LIMCH1: variants seen among roughly 807,000 people sequenced by gnomAD.
LIMCH1 encodes LIM and calponin homology domains-containing protein 1.
Under a neutral mutation model 176.5 loss-of-function variants are expected in LIMCH1, and 113 were observed. That is an observed-to-expected ratio of 0.64 (90% CI 0.55 to 0.75). The LOEUF (loss-of-function observed/expected upper bound fraction) is 0.75. LIMCH1 is among the 30% of genes least tolerant of loss of function. The probability of loss-of-function intolerance (pLI) is 0.00; values close to 1 mark genes in which losing one functional copy is unlikely to be tolerated. For synonymous variants in LIMCH1, 619 were observed against 645.9 expected, an observed-to-expected ratio of 0.96 and a Z score of 0.63; for missense variants, 1,674 against 1,814.9, an observed-to-expected ratio of 0.92 and a Z score of 1.41.
At chr4:41,419,650 C>CTCCTTCCT (rs1189243700) in intron 1 of LIMCH1, among the ~76,000 whole-genome samples, 52 of 56,336 alleles carry the variant, frequency 9.2e-4, no homozygotes, top group Admixed American at 1.8e-3. Flanking sequence ...TCCTTTCTTC[C>CTCCTTCCT]TCCTTCCTTC....
At position 41,638,963 on chromosome 4, in the gene LIMCH1, G is replaced by A. The variant is rs763838071; in HGVS notation, c.2122G>A (p.Ala708Thr). The change falls in exon 14 of 32, where the codon GCA (alanine) becomes ACA (threonine). Residue 708 changes from alanine to threonine, a missense_variant. Coordinates refer to ENST00000503057, the MANE Select transcript of LIMCH1 (RefSeq NM_001330672.2). ...YGPRTPVSDD[A>T]ESTSMFDMRC... ...TCCGAGAACTCCTGTGTCTGATGAC[G>A]CAGAGTAAGTTGCCTTGTATTTGTA... 81 of 1,585,842 alleles carry A rather than the reference G, an allele frequency of 5.1e-5. No homozygotes were observed. Among genetic ancestry groups the A allele is most frequent in the Middle Eastern group, 1.7e-4 (1 of 5,944 alleles).
intron 1 of LIMCH1, among the ~76,000 whole-genome samples, chr4:41,474,468 C>G (rs544068536): frequency 1.3e-4 from 20 of 152,300 alleles, no homozygotes; most frequent in Middle Eastern, 3.4e-3. Context: ...GCCTGGGCGA[C>G]AGAGTGAGAC....
chr4:41,541,866 G>A (rs770282871), intron 1 of LIMCH1, among the ~76,000 whole-genome samples: 2 of 152,182 alleles, frequency 1.3e-5, no homozygotes, highest in African/African-American at 2.4e-5. Flanking sequence ...AATGACTTTG[G>A]TAAACAGCCC....
intron 31 of LIMCH1, 77 bp downstream of exon 31, chr4:41,692,461 A>G (rs1586086623): frequency 1.1e-6 from 1 of 920,580 alleles, no homozygotes; most frequent in Non-Finnish European, 1.8e-6. Flanking sequence ...TAGGAATTCA[A>G]ATATTTTTCC....
intron 1 of LIMCH1, among the ~76,000 whole-genome samples, chr4:41,540,141 G>A (rs528326887): frequency 2.6e-5 from 4 of 152,206 alleles, no homozygotes; most frequent in South Asian, 4.2e-4. Context: ...TTGTTTCCTC[G>A]TCTGTAAAAA....
At chr4:41,595,509 C>T (rs778992601) in intron 1 of LIMCH1, among the ~76,000 whole-genome samples, 5 of 152,156 alleles carry the variant, frequency 3.3e-5, no homozygotes, top group Non-Finnish European at 7.3e-5. Context: ...TCAACTACTC[C>T]TCTAGAAAAT....
intron 2 of LIMCH1, among the ~76,000 whole-genome samples, chr4:41,511,302 C>T (rs1319396734): frequency 6.6e-6 from 1 of 152,174 alleles, no homozygotes; most frequent in East Asian, 1.9e-4. Flanking sequence ...TATTCCCTGT[C>T]CATTTCCATC....
chr4:41,604,670 G>A (rs573808720), intron 3 of LIMCH1, among the ~76,000 whole-genome samples: 9 of 152,036 alleles, frequency 5.9e-5, no homozygotes, highest in East Asian at 3.9e-4. Context: ...CCATTCCCCC[G>A]TTATACCTTT....
At chr4:41,516,641 T>C (rs1434314463) in intron 2 of LIMCH1, among the ~76,000 whole-genome samples, 1 of 152,240 alleles carries the variant, frequency 6.6e-6, no homozygotes, top group African/African-American at 2.4e-5. Flanking sequence ...CAAAGCACTC[T>C]GAACATATTC....
intron 1 of LIMCH1, among the ~76,000 whole-genome samples, chr4:41,451,892 CT>C (rs1370364054): frequency 6.6e-6 from 1 of 152,134 alleles, no homozygotes; most frequent in African/African-American, 2.4e-5. Context: ...ATCTTCTTAC[CT>C]TTTTTCCAGA....
At chr4:41,394,810 GCAGGAAGTGGCATTTA>G (rs1172186389) in intron 1 of LIMCH1, among the ~76,000 whole-genome samples, 1 of 152,208 alleles carries the variant, frequency 6.6e-6, no homozygotes, top group African/African-American at 2.4e-5. Context: ...AGGCCTTGCA[GCAGGAAGTGGCATTTA>G]CAAATGGTGC....
chr4:41,563,658 A>G (rs2082346178), intron 1 of LIMCH1, among the ~76,000 whole-genome samples: 1 of 152,200 alleles, frequency 6.6e-6, no homozygotes, highest in Non-Finnish European at 1.5e-5. Context: ...TTTGGAGAAC[A>G]GCACCTCCCT....
Position 41,685,839 on chromosome 4 carries a change from C to A in LIMCH1, c.4088+9C>A. ...CCCAGTGAAAGGCGGAAGTGAGTAA[C>A]CAGACACGATGGTTGTGGGATTCCC... On this transcript the variant is annotated intron_variant, in intron 28 of 31. Transcript: ENST00000503057. The A allele has an allele frequency of 6.2e-7, 1 of 1,610,406 alleles. No individual in the cohort carries two copies. The highest frequency in any genetic ancestry group is 8.5e-7 in the Non-Finnish European group (1 of 1,178,496).
At chr4:41,568,372 G>T (rs139040693) in intron 1 of LIMCH1, among the ~76,000 whole-genome samples, 1 of 152,318 alleles carries the variant, frequency 6.6e-6, no homozygotes, top group African/African-American at 2.4e-5. Flanking sequence ...GAGAGCCAAC[G>T]TGACAGCTGA....
At chr4:41,682,102 AAG>A (rs1292629476) in intron 25 of LIMCH1, among the ~76,000 whole-genome samples, 1 of 152,214 alleles carries the variant, frequency 6.6e-6, no homozygotes, top group Non-Finnish European at 1.5e-5. Flanking sequence ...TTTATTTTGA[AAG>A]AGGGGTTTTC....
chr4:41,694,546 G>A (rs759364656), intron 31 of LIMCH1, among the ~76,000 whole-genome samples: 2 of 152,110 alleles, frequency 1.3e-5, no homozygotes, highest in African/African-American at 2.4e-5. Context: ...ATATATCTTG[G>A]TAACTTTTCC....
intron 2 of LIMCH1, among the ~76,000 whole-genome samples, chr4:41,517,917 A>T (rs988297437): frequency 6.6e-6 from 1 of 152,056 alleles, no homozygotes; most frequent in Non-Finnish European, 1.5e-5. Context: ...ATTAAAAGGG[A>T]CACAAAGTGG....
rs1211104675 is a variant in LIMCH1, at chr4:41,527,793, A to G, written c.237+3315A>G. Among the ~76,000 whole-genome samples the G allele has an allele frequency of 2.1e-5, 3 of 140,302 alleles. No homozygotes were observed. In the East Asian group the frequency reaches 6.4e-4, roughly 30 times the overall value. 92.0% of individuals were successfully genotyped at this position (140,302 alleles called of 152,430 possible). On this transcript the variant is annotated intron_variant, in intron 3 of 26. Coordinates refer to the LIMCH1 transcript ENST00000313860. The stretch of plus-strand genomic sequence containing the variant: ...AGCCAAGATTGCGCCACTGCACTCC[A>G]GCCTGGGCGACAGAGCGAGACTCCG...
intron 4 of LIMCH1, chr4:41,612,433 A>G (rs2152795493): frequency 4.6e-6 from 3 of 658,514 alleles, no homozygotes; most frequent in Non-Finnish European, 8.2e-6. Flanking sequence ...GGATGAGAAC[A>G]TGCCTCTCTG....
Sources: gnomAD v4.1 joint callset for allele counts (sites outside exome capture counted in the v4.1 genomes callset) on GRCh38, gnomAD v4.1.1 for gene constraint, MANE v1.5 for transcripts, NCBI Gene and HGNC (gene_info 2026-07-23, HGNC 2026-07-21) for gene names.